The following NEDD9 variants were observed in gnomAD, a reference collection of about 807,000 sequenced individuals.
NEDD9 encodes neural precursor cell expressed, developmentally down-regulated 9, also known as enhancer of filamentation 1.
NEDD9 carries 26 observed loss-of-function variants against 76.6 expected under a neutral mutation model. The observed-to-expected ratio is 0.34, with a 90% CI of 0.25 to 0.47. The LOEUF is 0.47. Ranked by LOEUF, NEDD9 falls within the 20% of genes least tolerant of loss-of-function variation. The probability of loss-of-function intolerance (pLI) is 1.00; values close to 1 mark genes in which losing one functional copy is unlikely to be tolerated. For missense variants in NEDD9, 937 were observed against 1,058.5 expected (o/e 0.89, Z 1.59); for synonymous variants, 392 against 414.2 (o/e 0.95, Z 0.65).
In NEDD9 at chr6:11,241,868, G is replaced by A. The variant is rs561504158; in HGVS notation, c.13-28141C>T. Among the ~76,000 whole-genome samples, 2 of 152,316 alleles carry A rather than the reference G, an allele frequency of 1.3e-5. No homozygotes were observed. Among genetic ancestry groups the A allele is most frequent in the South Asian group, 2.1e-4 (1 of 4,830 alleles). ...GCCTGTCCGGCCAGCCCAAGCAGCC[G>A]CCAGCTGGCGCTCGTGAGCGCATGA... On this transcript the variant is annotated intron_variant, in intron 3 of 3. Coordinates refer to the NEDD9 transcript ENST00000397378. This position sits in a 1 kb window ranked among gnomAD's most constrained non-coding sequence, Gnocchi z 4.0.
chr6:11,246,389 G>C (rs1380034800), intron 3 of NEDD9, among the ~76,000 whole-genome samples: 1 of 152,028 alleles, frequency 6.6e-6, no homozygotes, highest in African/African-American at 2.4e-5. Context: ...ACAGGCAAAG[G>C]CAGATGGATC....
At position 11,213,821 on chromosome 6, in the gene NEDD9, C is replaced by T; in HGVS notation, c.13-94G>A. On this transcript the variant is annotated intron_variant, in intron 1 of 6. Coordinates refer to ENST00000379446, the MANE Select transcript of NEDD9 (RefSeq NM_006403.4). The surrounding 1 kb of genome is among the most constrained non-coding windows in gnomAD (Gnocchi z 5.4). ...GTGCTCTTATGGAAAGGCACACTTC[C>T]TGGAAAGAGAGAAGCATAAATCTGA... 2 of 1,099,412 alleles carry T rather than the reference C, an allele frequency of 1.8e-6. No homozygotes were observed. Among genetic ancestry groups the T allele is most frequent in the Non-Finnish European group, 1.3e-6 (1 of 758,634 alleles). The allele number at this position is 1,099,412 out of a possible 1,614,324, so 68.1% of individuals were successfully genotyped here. A position where few individuals can be genotyped will look rare whatever the true frequency, so the allele number is the denominator to read the frequency against.
chr6:11,334,299 T>C (rs1415738856), intron 2 of NEDD9, among the ~76,000 whole-genome samples: 1 of 152,252 alleles, frequency 6.6e-6, no homozygotes, highest in Admixed American at 6.5e-5. Flanking sequence ...TTGTATTCCT[T>C]ATACATTTTA....
Position 11,288,320 on chromosome 6 carries a change from C to T in NEDD9, c.12+17672G>A, listed in dbSNP as rs548513790. ...AGGCTCATAAAAGTGATTTTGTTGG[C>T]GTGCTTAGGGTGGAGTCAGCACACC... On this transcript the variant is annotated intron_variant, in intron 3 of 3. Coordinates refer to the NEDD9 transcript ENST00000397378. Among the ~76,000 whole-genome samples, 12 of 152,196 alleles carry T rather than the reference C, an allele frequency of 7.9e-5. No individual in the cohort carries two copies. The East Asian group carries it at 1.7e-3, about 22-fold the overall frequency.
At chr6:11,197,510 A>G (rs1758322660) in intron 2 of NEDD9, among the ~76,000 whole-genome samples, 1 of 152,130 alleles carries the variant, frequency 6.6e-6, no homozygotes, top group Admixed American at 6.5e-5. Flanking sequence ...TTAGTATACC[A>G]TTCTCAGTAA....
chr6:11,296,424 C>T (rs1760885403), intron 3 of NEDD9, among the ~76,000 whole-genome samples: 1 of 152,058 alleles, frequency 6.6e-6, no homozygotes, highest in Admixed American at 6.5e-5. Flanking sequence ...TTTCATATTC[C>T]CTACAATAGG....
chr6:11,274,351 G>A (rs1760375155), intron 3 of NEDD9, among the ~76,000 whole-genome samples: 1 of 152,168 alleles, frequency 6.6e-6, no homozygotes, highest in African/African-American at 2.4e-5. Flanking sequence ...GGGGTACCCA[G>A]TCACATCTCA....
At chr6:11,299,159 C>T (rs1043975342) in intron 3 of NEDD9, among the ~76,000 whole-genome samples, 5 of 151,822 alleles carry the variant, frequency 3.3e-5, no homozygotes, top group South Asian at 2.1e-4. Flanking sequence ...TTCCCACAGT[C>T]TTAGCAACCA....
intron 3 of NEDD9, among the ~76,000 whole-genome samples, chr6:11,270,369 T>C (rs1419428631): frequency 9.7e-5 from 9 of 93,112 alleles, no homozygotes; most frequent in Admixed American, 2.9e-4. Context: ...CCCTCAACCT[T>C]TTTTTTTTTT....
Position 11,188,246 on chromosome 6 carries a change from T to C in NEDD9, c.1967A>G (p.Gln656Arg). The change falls in exon 6 of 7, where the codon CAG (glutamine) becomes CGG (arginine). Residue 656 changes from glutamine to arginine, a missense_variant. Coordinates refer to ENST00000379446, the MANE Select transcript of NEDD9 (RefSeq NM_006403.4). ...ATGATGTTCCAGCTGCATCTTGTTCTGTTTCATGATATTCTCTTTTTCCAA... is the reference window on the plus strand; with the variant it reads ...ATGATGTTCCAGCTGCATCTTGTTCCGTTTCATGATATTCTCTTTTTCCAA... ...ELLEKENIMKQNKMQLEHHQL... is the reference protein window; with the variant it reads ...ELLEKENIMKRNKMQLEHHQL... 1 of 1,614,210 alleles carries C rather than the reference T, an allele frequency of 6.2e-7. No homozygotes were observed. The highest frequency in any genetic ancestry group is 8.5e-7 in the Non-Finnish European group (1 of 1,180,016).
At chr6:11,268,203 T>C (rs1760235927) in intron 3 of NEDD9, among the ~76,000 whole-genome samples, 1 of 152,048 alleles carries the variant, frequency 6.6e-6, no homozygotes, top group South Asian at 2.1e-4. Flanking sequence ...ATAACTTTTG[T>C]ATTGCTTTTT....
chr6:11,349,360 G>A (rs1302782857), intron 1 of NEDD9, among the ~76,000 whole-genome samples: 1 of 152,214 alleles, frequency 6.6e-6, no homozygotes, highest in African/African-American at 2.4e-5. Context: ...AAGCAGCGTG[G>A]TGATTTCTCA....
upstream of NEDD9, chr6:11,233,390 C>T: frequency 7.7e-6 from 4 of 519,002 alleles, no homozygotes; most frequent in South Asian, 5.6e-5. Flanking sequence ...CCTTCAGTGG[C>T]TTTGCTGAGG....
intron 1 of NEDD9, among the ~76,000 whole-genome samples, chr6:11,345,738 A>G (rs138026781): frequency 6.6e-6 from 1 of 152,348 alleles, no homozygotes; most frequent in Non-Finnish European, 1.5e-5. Context: ...CTGAGTAGAA[A>G]GTACATGACA....
At chr6:11,317,742 C>T (rs777032428) in intron 2 of NEDD9, among the ~76,000 whole-genome samples, 1 of 152,118 alleles carries the variant, frequency 6.6e-6, no homozygotes, top group East Asian at 1.9e-4. Context: ...TGACAGCATG[C>T]GTGGCCAGTG....
chr6:11,327,069 T>A (rs1370980778), intron 2 of NEDD9, among the ~76,000 whole-genome samples: 1 of 152,188 alleles, frequency 6.6e-6, no homozygotes, highest in Non-Finnish European at 1.5e-5. Context: ...GGATTCCTAC[T>A]GGTGATGATG....
At chr6:11,290,148 C>T (rs1760734746) in intron 3 of NEDD9, among the ~76,000 whole-genome samples, 1 of 152,216 alleles carries the variant, frequency 6.6e-6, no homozygotes, top group African/African-American at 2.4e-5. Flanking sequence ...GCCTATTTGC[C>T]TGTGTCCATT....
At chr6:11,349,459 C>T (rs891878554) in intron 1 of NEDD9, among the ~76,000 whole-genome samples, 7 of 152,192 alleles carry the variant, frequency 4.6e-5, no homozygotes, top group African/African-American at 1.7e-4. Flanking sequence ...ATCATAAAGA[C>T]ACATGCACAT....
intron 3 of NEDD9, among the ~76,000 whole-genome samples, chr6:11,294,786 G>A (rs1382852692): frequency 6.6e-6 from 1 of 152,126 alleles, no homozygotes; most frequent in East Asian, 1.9e-4. Flanking sequence ...GTTTTGATCT[G>A]TATATCCCTG....
Sources: gnomAD v4.1 joint callset for allele counts (sites outside exome capture counted in the v4.1 genomes callset) on GRCh38, gnomAD v4.1.1 for gene constraint, Gnocchi (gnomAD v3.1) non-coding constraint, MANE v1.5 for transcripts, NCBI Gene and HGNC (gene_info 2026-07-23, HGNC 2026-07-21) for gene names.